Variants in MRC2 observed in about 807,000 individuals in gnomAD.
MRC2 encodes the protein C-type mannose receptor 2.
In MRC2, 84 loss-of-function variants were observed where a neutral mutation model predicts 206.2. The ratio of observed to expected loss-of-function variants is 0.41; its 90% CI spans 0.34 to 0.49. The LOEUF (loss-of-function observed/expected upper bound fraction) is 0.49, where lower values mean the gene tolerates loss of function less well. Among genes scored for constraint, MRC2 ranks in the 20% least tolerant of loss-of-function variants. The pLI, the probability that MRC2 is intolerant of heterozygous loss-of-function variation, is 0.31. For missense variants in MRC2, 1,676 were observed against 2,001.5 expected (o/e 0.84, Z 3.10); for synonymous variants, 798 against 800.0 (o/e 1.00, Z 0.04).
At chr17:62,684,336 C>T (rs937823576) in intron 20 of MRC2, among the ~76,000 whole-genome samples, 1 of 152,136 alleles carries the variant, frequency 6.6e-6, no homozygotes, top group Non-Finnish European at 1.5e-5. Flanking sequence ...TAGGCTGGGA[C>T]GCTGAGCACT....
Position 62,677,443 on chromosome 17 carries a change from C to G in MRC2, c.2009C>G (p.Pro670Arg), listed in dbSNP as rs2088907955. Residue 670 changes from proline (P) to arginine (R), a missense_variant, in exon 12 of 30, where the codon CCC becomes CGC. Physicochemically the swap from Pro to Arg is moderately radical, Grantham distance 103. Transcript: ENST00000303375. ...ACGCCCAGCCTCACTGGCTCCTGTC[C>G]CCAGGGCTGGGCCTCGGACACCAAA... ...DPTPSLTGSCPQGWASDTKLR... is the reference protein window; with the variant it reads ...DPTPSLTGSCRQGWASDTKLR... 1.2e-6 allele frequency: 2 copies of G among 1,610,112 alleles called. No homozygotes were observed. Among genetic ancestry groups the G allele is most frequent in the East Asian group, 4.5e-5 (2 of 44,742 alleles).
chr17:62,633,286 A>T (rs1350929323), intron 1 of MRC2, among the ~76,000 whole-genome samples: 1 of 151,840 alleles, frequency 6.6e-6, no homozygotes, highest in Non-Finnish European at 1.5e-5. Context: ...GTGGATCATG[A>T]AGTCAGGAGA....
chr17:62,691,517 C>T (rs2089111571), intron 28 of MRC2, among the ~76,000 whole-genome samples: 1 of 152,096 alleles, frequency 6.6e-6, no homozygotes, highest in African/African-American at 2.4e-5. Context: ...TGCCTGTAAT[C>T]CCAGCACTTT....
rs2088951133 is a variant in MRC2, at chr17:62,680,528, C to T, written c.2473+75C>T. Reference sequence around the variant, plus strand: ...CAACTCTGGGGTAAGTCCCGAGAGGCCTGAATGAAATGGAGGGGATGAGGA... The same window carrying T: ...CAACTCTGGGGTAAGTCCCGAGAGGTCTGAATGAAATGGAGGGGATGAGGA... On this transcript the variant is annotated intron_variant, in intron 16 of 29. Transcript: ENST00000303375. The surrounding 1 kb of genome is among the most constrained non-coding windows in gnomAD (Gnocchi z 4.8). 6.3e-7 allele frequency: 1 copy of T among 1,577,512 alleles called. No individual in the cohort carries two copies. The highest frequency in any genetic ancestry group is 8.7e-7 in the Non-Finnish European group (1 of 1,150,680).
Position 62,680,755 on chromosome 17 carries a change from A to C in MRC2, c.2474-45A>C. On this transcript the variant is annotated intron_variant, in intron 16 of 29. Transcript: ENST00000303375. This position sits in a 1 kb window ranked among gnomAD's most constrained non-coding sequence, Gnocchi z 4.8. ...CGCCCGCCTCCGGGGCCTGGCGTGC[A>C]GCCTCTGCCTGGCCGCCGCTCCCAC... 6.7e-7 allele frequency: 1 copy of C among 1,491,432 alleles called. No homozygotes were observed. The highest frequency in any genetic ancestry group is 1.4e-5 in the South Asian group (1 of 72,628). 92.4% of individuals were successfully genotyped at this position (1,491,432 alleles called of 1,614,324 possible).
intron 1 of MRC2, among the ~76,000 whole-genome samples, chr17:62,656,445 G>C (rs931549380): frequency 6.6e-6 from 1 of 152,206 alleles, no homozygotes; most frequent in Admixed American, 6.5e-5. Flanking sequence ...TCCCACCTTA[G>C]CCTTTCAAAG....
intron 1 of MRC2, among the ~76,000 whole-genome samples, chr17:62,651,727 A>G (rs2088558364): frequency 3.3e-5 from 5 of 152,018 alleles, no homozygotes; most frequent in Admixed American, 3.3e-4. Context: ...ATCTGCCACC[A>G]TACCCAGCTA....
intron 1 of MRC2, among the ~76,000 whole-genome samples, chr17:62,631,773 A>G (rs1037358706): frequency 2.6e-5 from 4 of 152,138 alleles, no homozygotes; most frequent in African/African-American, 9.7e-5. Flanking sequence ...AGGCATTGAT[A>G]AGTGAGTGAC....
chr17:62,676,632 A>T (rs780231199), intron 11 of MRC2, 101 bp downstream of exon 11: 182 of 1,415,524 alleles, frequency 1.3e-4, no homozygotes, highest in Non-Finnish European at 1.6e-4. Context: ...TAAACAGATC[A>T]TTGGTGCACT....
At chr17:62,673,778 G>A (rs1368227705) in intron 8 of MRC2, among the ~76,000 whole-genome samples, 1 of 152,160 alleles carries the variant, frequency 6.6e-6, no homozygotes, top group Admixed American at 6.5e-5. Context: ...CCAAAATGCT[G>A]GGATTACAGG....
intron 20 of MRC2, among the ~76,000 whole-genome samples, chr17:62,686,002 C>G (rs1169808561): frequency 1.3e-5 from 2 of 152,160 alleles, no homozygotes; most frequent in African/African-American, 4.8e-5. Context: ...GCACCAGGGA[C>G]TGGTTTCTTG....
At chr17:62,662,821 A>G (rs1216836818) in intron 1 of MRC2, among the ~76,000 whole-genome samples, 5 of 152,182 alleles carry the variant, frequency 3.3e-5, no homozygotes, top group Non-Finnish European at 7.3e-5. Flanking sequence ...CTGAGGCAGA[A>G]TTGCTTGAAC....
At chr17:62,639,292 C>A (rs956844637) in intron 1 of MRC2, among the ~76,000 whole-genome samples, 1 of 150,802 alleles carries the variant, frequency 6.6e-6, no homozygotes, top group Non-Finnish European at 1.5e-5. Flanking sequence ...TGTGGTGAGC[C>A]GAGATTGTGC....
Position 62,628,416 on chromosome 17 carries a change from C to T in MRC2, c.118+496C>T, listed in dbSNP as rs1210396980. On this transcript the variant is annotated intron_variant, in intron 1 of 29. Coordinates refer to ENST00000303375, the MANE Select transcript of MRC2 (RefSeq NM_006039.5). ...TCGTTTCCCCCACCTTCCCCCCGCC[C>T]CCTGCATCTCGTGGGCGTTGATATT... is the stretch of plus-strand genomic sequence containing the variant. Among the ~76,000 whole-genome samples the T allele has an allele frequency of 2.6e-5, 4 of 152,170 alleles. 1 individual carries two copies. Among genetic ancestry groups the T allele is most frequent in the East Asian group, 1.9e-4 (1 of 5,176 alleles).
intron 20 of MRC2, among the ~76,000 whole-genome samples, chr17:62,683,720 C>T (rs749945658): frequency 6.6e-6 from 1 of 151,408 alleles, no homozygotes; most frequent in Non-Finnish European, 1.5e-5. Flanking sequence ...GAAAATTAAC[C>T]AGGTGTGATG....
intron 9 of MRC2, 64 bp downstream of exon 9, chr17:62,674,234 AGAGGTGG>A: frequency 1.6e-6 from 2 of 1,252,592 alleles, no homozygotes; most frequent in South Asian, 1.4e-5. Context: ...CAGGGGAGGG[AGAGGTGG>A]ATGAACTCCT....
Position 62,664,972 on chromosome 17 carries a change from G to C in MRC2, c.520+23G>C. ...ACGGTGAGGGGCCGCTTGCAGGCGG[G>C]AGGGTGGGGTCCCCGATGTCCAGGG... is the stretch of plus-strand genomic sequence containing the variant. On this transcript the variant is annotated intron_variant, in intron 2 of 29. Coordinates refer to ENST00000303375, the MANE Select transcript of MRC2 (RefSeq NM_006039.5). This position sits in a 1 kb window ranked among gnomAD's most constrained non-coding sequence, Gnocchi z 4.7. The C allele has an allele frequency of 6.3e-7, 1 of 1,577,544 alleles. No homozygotes were observed. Among genetic ancestry groups the C allele is most frequent in the Non-Finnish European group, 8.6e-7 (1 of 1,164,452 alleles).
In MRC2 at chr17:62,664,587, G is replaced by A; in HGVS notation, c.158G>A (p.Gly53Asp). ...VFLIFSHGLQ[G>D]CLEAQGGQVR... is the part of the protein sequence containing the mutation. ...CTCATCTTCAGCCATGGACTGCAGG[G>A]CTGCCTGGAGGCCCAGGGCGGGCAG... is the stretch of plus-strand genomic sequence containing the variant. The change falls in exon 2 of 30, where the codon GGC becomes GAC. Residue 53 changes from glycine to aspartate, a missense_variant. Coordinates refer to ENST00000303375, the MANE Select transcript of MRC2 (RefSeq NM_006039.5). The surrounding 1 kb of genome is among the most constrained non-coding windows in gnomAD (Gnocchi z 4.7). The A allele has an allele frequency of 1.2e-6, 2 of 1,613,316 alleles. No homozygotes were observed. The highest frequency in any genetic ancestry group is 2.2e-5 in the East Asian group (1 of 44,874).
chr17:62,638,376 G>C (rs541829001), intron 1 of MRC2, among the ~76,000 whole-genome samples: 2 of 152,236 alleles, frequency 1.3e-5, no homozygotes, highest in South Asian at 4.1e-4. Context: ...GATTTAAACT[G>C]TTATAAGAAA....
Sources: allele counts gnomAD v4.1 joint callset (sites outside exome capture counted in the v4.1 genomes callset), GRCh38; gene constraint gnomAD v4.1.1; non-coding constraint Gnocchi (gnomAD v3.1); transcripts MANE v1.5; gene names NCBI Gene and HGNC (gene_info 2026-07-23, HGNC 2026-07-21).